The following PMFBP1 variants were observed in gnomAD, a reference collection of about 807,000 sequenced individuals.
The protein encoded by PMFBP1 is polyamine-modulated factor 1-binding protein 1.
Under a neutral mutation model 137.8 loss-of-function variants are expected in PMFBP1, and 131 were observed. The ratio of observed to expected loss-of-function variants is 0.95; its 90% confidence interval spans 0.82 to 1.10. PMFBP1 has a LOEUF of 1.10. Among genes scored for constraint, PMFBP1 ranks in the 50% least tolerant of loss-of-function variants. The probability of loss-of-function intolerance (pLI) is 0.00; values close to 1 mark genes in which losing one functional copy is unlikely to be tolerated. For synonymous variants in PMFBP1, 490 were observed against 450.4 expected, an observed-to-expected ratio of 1.09 and a Z score of -1.11; for missense variants, 1,199 against 1,175.4, an observed-to-expected ratio of 1.02 and a Z score of -0.29.
chr16:72,212,635 G>C, the PMFBP1 span, among the ~76,000 whole-genome samples: 11 of 152,290 alleles, frequency 7.2e-5, no homozygotes, highest in African/African-American at 2.6e-4. Flanking sequence ...AAAAAGAGAA[G>C]AGATAAGCGG....
At chr16:72,202,266 C>T in the PMFBP1 span, among the ~76,000 whole-genome samples, 13 of 152,200 alleles carry the variant, frequency 8.5e-5, no homozygotes, top group African/African-American at 3.1e-4. Context: ...ACAGTAGACT[C>T]TAGATTAGTC....
At chr16:72,128,261 ATTT>A (rs1245109012) in intron 14 of PMFBP1, 9 of 730,438 alleles carry the variant, frequency 1.2e-5, no homozygotes, top group Non-Finnish European at 1.5e-5. Context: ...CCTTTCTGTC[ATTT>A]TTACTTGTGT....
chr16:72,150,565 C>A (rs2144408207), intron 5 of PMFBP1, 43 bp downstream of exon 5: 1 of 1,583,662 alleles, frequency 6.3e-7, no homozygotes, highest in East Asian at 2.2e-5. Flanking sequence ...CACCTGGGAG[C>A]ACATCCACTT....
In PMFBP1 at chr16:72,154,504, T is replaced by G. The variant is rs759677366; in HGVS notation, c.166-45A>C. 7 of 1,583,836 alleles carry G rather than the reference T, an allele frequency of 4.4e-6. No homozygotes were observed. In the South Asian group the frequency reaches 6.9e-5, roughly 16 times the overall value. ...TACAAAAAAGGCTTTAGATCATCACTAAGGACGTATTCATTCCAGGATTTT... is the reference window on the plus strand; with the variant it reads ...TACAAAAAAGGCTTTAGATCATCACGAAGGACGTATTCATTCCAGGATTTT... On this transcript the variant is annotated intron_variant, in intron 3 of 20. Transcript: ENST00000237353.
the PMFBP1 span, among the ~76,000 whole-genome samples, chr16:72,185,709 A>T: frequency 6.6e-6 from 1 of 152,190 alleles, no homozygotes; most frequent in South Asian, 2.1e-4. Context: ...TCACCATCTT[A>T]TCTGAAGTGA....
At chr16:72,231,290 C>T in the PMFBP1 span, among the ~76,000 whole-genome samples, 2 of 152,118 alleles carry the variant, frequency 1.3e-5, no homozygotes, top group African/African-American at 4.8e-5. Flanking sequence ...AACCTTTTCT[C>T]CTCTCAAAAT....
At chr16:72,147,746 T>G (rs554718284) in intron 5 of PMFBP1, among the ~76,000 whole-genome samples, 2 of 152,148 alleles carry the variant, frequency 1.3e-5, no homozygotes, top group African/African-American at 2.4e-5. Flanking sequence ...AAGACATTTA[T>G]GCAGCCAAGA....
chr16:72,249,932 A>AT, the PMFBP1 span, among the ~76,000 whole-genome samples: 1 of 150,958 alleles, frequency 6.6e-6, no homozygotes, highest in East Asian at 1.9e-4. Flanking sequence ...AAAAAAAAAA[A>AT]AAAAAAAAAA....
upstream of PMFBP1, among the ~76,000 whole-genome samples, chr16:72,181,015 C>A (rs2043274373): frequency 6.6e-6 from 1 of 152,088 alleles, no homozygotes; most frequent in Admixed American, 6.5e-5. Context: ...CCAAGGCGGG[C>A]AGATCACGAG....
the PMFBP1 span, among the ~76,000 whole-genome samples, chr16:72,220,010 G>A: frequency 1.3e-5 from 2 of 152,082 alleles, no homozygotes; most frequent in African/African-American, 2.4e-5. Flanking sequence ...CCAGCTTAGC[G>A]AATGTTTTAT....
At chr16:72,196,562 G>T in the PMFBP1 span, among the ~76,000 whole-genome samples, 2 of 152,222 alleles carry the variant, frequency 1.3e-5, no homozygotes, top group African/African-American at 4.8e-5. Context: ...AGTGGTATCT[G>T]TTCTACATGC....
chr16:72,219,850 A>G, the PMFBP1 span, among the ~76,000 whole-genome samples: 1 of 152,244 alleles, frequency 6.6e-6, no homozygotes, highest in East Asian at 1.9e-4. Flanking sequence ...ACATTTGCTT[A>G]GACTCTGCTA....
At chr16:72,152,083 G>T (rs993590233) in intron 4 of PMFBP1, among the ~76,000 whole-genome samples, 13 of 152,092 alleles carry the variant, frequency 8.5e-5, no homozygotes, top group Non-Finnish European at 1.5e-4. Flanking sequence ...GTCCTTCTTT[G>T]ACTCACTTGC....
At chr16:72,165,351 C>G (rs1477970796) in intron 2 of PMFBP1, among the ~76,000 whole-genome samples, 1 of 152,018 alleles carries the variant, frequency 6.6e-6, no homozygotes, top group African/African-American at 2.4e-5. Flanking sequence ...TCTTACCTTT[C>G]TCTTCTACCC....
At chr16:72,192,002 C>T in the PMFBP1 span, among the ~76,000 whole-genome samples, 6 of 152,298 alleles carry the variant, frequency 3.9e-5, no homozygotes, top group South Asian at 2.1e-4. Flanking sequence ...TGATCAAATG[C>T]GTGTGTGTGA....
At chr16:72,171,108 A>G in intron 2 of PMFBP1, 89 bp downstream of exon 2, 1 of 1,432,160 alleles carries the variant, frequency 7.0e-7, no homozygotes, top group Non-Finnish European at 9.8e-7. Context: ...TGTGATGCTT[A>G]TTACTGGAAT....
At position 72,150,721 on chromosome 16, in the gene PMFBP1, C is replaced by G; in HGVS notation, c.523G>C (p.Glu175Gln). 4 of 1,614,194 alleles carry G rather than the reference C, an allele frequency of 2.5e-6. No homozygotes were observed. The highest frequency in any genetic ancestry group is 3.4e-6 in the Non-Finnish European group (4 of 1,180,026). Residue 175 changes from glutamate (E) to glutamine (Q), a missense_variant, in exon 5 of 21, where the codon GAG becomes CAG. By Grantham distance (29) the Glu-to-Gln change is conservative. Coordinates refer to ENST00000237353, the MANE Select transcript of PMFBP1 (RefSeq NM_031293.3). ...ALAGDKIASL[E>Q]RSLNLYRDKY... ...TCCCTGTAGAGGTTTAAGCTCCTCT[C>G]TAGAGAGGCGATCTTGTCCCCGGCC... is the stretch of plus-strand genomic sequence containing the variant.
intron 18 of PMFBP1, among the ~76,000 whole-genome samples, chr16:72,123,336 C>T (rs1439753663): frequency 6.6e-6 from 1 of 152,206 alleles, no homozygotes; most frequent in African/African-American, 2.4e-5. Context: ...TTCCTGCCAT[C>T]GCTGTTTCCA....
At chr16:72,206,549 T>C in the PMFBP1 span, among the ~76,000 whole-genome samples, 1 of 152,198 alleles carries the variant, frequency 6.6e-6, no homozygotes, top group Admixed American at 6.5e-5. Flanking sequence ...TCTGGGAAAC[T>C]CACAACAGTC....
Sources: allele counts gnomAD v4.1 joint callset (sites outside exome capture counted in the v4.1 genomes callset), GRCh38; gene constraint gnomAD v4.1.1; transcripts MANE v1.5; gene names NCBI Gene and HGNC (gene_info 2026-07-23, HGNC 2026-07-21).